The following TMEM184B variants were observed in gnomAD, a reference collection of about 807,000 sequenced individuals.
TMEM184B encodes the protein putative MAPK-activating protein FM08.
TMEM184B carries 17 observed loss-of-function variants against 41.8 expected under a neutral mutation model. The ratio of observed to expected loss-of-function variants is 0.41; its 90% CI spans 0.28 to 0.61. The LOEUF (loss-of-function observed/expected upper bound fraction) is 0.61. Among genes scored for constraint, TMEM184B ranks in the 20% least tolerant of loss-of-function variants. TMEM184B has a pLI of 0.34. For missense variants in TMEM184B, 393 were observed against 557.8 expected (o/e 0.70, Z 2.98); for synonymous variants, 240 against 229.5 (o/e 1.05, Z -0.41).
intron 3 of TMEM184B, among the ~76,000 whole-genome samples, chr22:38,244,786 T>C (rs1345591469): frequency 1.3e-5 from 2 of 152,254 alleles, no homozygotes; most frequent in Non-Finnish European, 1.5e-5. Flanking sequence ...ACCCCTCCTC[T>C]CCATTCCTGC....
intron 1 of TMEM184B, among the ~76,000 whole-genome samples, chr22:38,256,983 T>G (rs577470931): frequency 3.8e-4 from 57 of 149,824 alleles, no homozygotes; most frequent in African/African-American, 1.3e-3. Flanking sequence ...AATAGTTTTT[T>G]TTTTTTTTTT....
At chr22:38,230,969 A>G (rs2091600659) in intron 4 of TMEM184B, among the ~76,000 whole-genome samples, 4 of 152,200 alleles carry the variant, frequency 2.6e-5, no homozygotes, top group Admixed American at 1.3e-4. Flanking sequence ...TGACAAACCA[A>G]CTTGGAGAGC....
chr22:38,247,861 G>T lies in TMEM184B; in HGVS notation c.101C>A (p.Ala34Asp). The T allele has an allele frequency of 1.9e-6, 3 of 1,613,492 alleles. No homozygotes were observed. Among genetic ancestry groups the T allele is most frequent in the Non-Finnish European group, 2.5e-6 (3 of 1,179,880 alleles). Residue 34 changes from alanine to aspartate, a missense_variant, in exon 2 of 9, where the codon GCC becomes GAC. Physicochemically the swap from Ala to Asp is moderately radical, Grantham distance 126. Around this residue, in one of 2 missense-constraint regions of TMEM184B, gnomAD observed 122 missense variants for 123.7 expected, o/e 0.99. Transcript: ENST00000361906. ...VSVIPEGSPT[A>D]MEQPVFLMTT... ...CATCAGGAACACAGGCTGCTCCATG[G>T]CAGTGGGGCTGCCCTCGGGGATCAC...
chr22:38,234,533 T>TG (rs1215339111), intron 3 of TMEM184B, among the ~76,000 whole-genome samples: 1 of 152,212 alleles, frequency 6.6e-6, no homozygotes, highest in Non-Finnish European at 1.5e-5. Flanking sequence ...TGTTTTACAC[T>TG]AGTGTGTTTT....
At chr22:38,233,019 C>T (rs1279050873) in intron 3 of TMEM184B, among the ~76,000 whole-genome samples, 3 of 152,224 alleles carry the variant, frequency 2.0e-5, no homozygotes, top group East Asian at 1.9e-4. Context: ...CTCCCCCTCT[C>T]GCCTTCCTCA....
At chr22:38,240,775 A>T (rs568434814) in intron 3 of TMEM184B, among the ~76,000 whole-genome samples, 46 of 150,542 alleles carry the variant, frequency 3.1e-4, no homozygotes, top group African/African-American at 1.1e-3. Flanking sequence ...GGTCACACAC[A>T]CATACAGGCA....
At chr22:38,238,653 C>A (rs1011817850) in intron 3 of TMEM184B, among the ~76,000 whole-genome samples, 1 of 152,248 alleles carries the variant, frequency 6.6e-6, no homozygotes, top group African/African-American at 2.4e-5. Context: ...GTGCTCACCC[C>A]GGTTGGACAG....
chr22:38,249,256 C>A (rs2092110146), intron 1 of TMEM184B, among the ~76,000 whole-genome samples: 3 of 152,206 alleles, frequency 2.0e-5, no homozygotes, highest in Admixed American at 1.3e-4. Flanking sequence ...CTCAAGAATC[C>A]TCCTGCCTTA....
chr22:38,231,448 G>A (rs769399691), intron 3 of TMEM184B, 114 bp from the exon 4 acceptor site: 1 of 879,978 alleles, frequency 1.1e-6, no homozygotes, highest in Non-Finnish European at 1.9e-6. Context: ...TGGCAACAGG[G>A]AGGAGGCTGG....
Position 38,225,058 on chromosome 22 carries a change from C to T in TMEM184B, c.788-79G>A, listed in dbSNP as rs2091390557. 1.4e-6 allele frequency: 2 copies of T among 1,424,738 alleles called. No individual in the cohort carries two copies. The highest frequency in any genetic ancestry group is 1.9e-6 in the Non-Finnish European group (2 of 1,071,388). 88.3% of individuals were successfully genotyped at this position (1,424,738 alleles called of 1,614,324 possible). A position where few individuals can be genotyped will look rare whatever the true frequency, so the allele number is the denominator to read the frequency against. ...CCTTCTTCCACAATGCCCCATTCAG[C>T]TGCCCACATGCCCCAGTGAGGATGT... is the stretch of plus-strand genomic sequence containing the variant. On this transcript the variant is annotated intron_variant, in intron 7 of 8. Coordinates refer to ENST00000361906, the MANE Select transcript of TMEM184B (RefSeq NM_012264.5). The surrounding 1 kb of genome is among the most constrained non-coding windows in gnomAD (Gnocchi z 4.4).
At chr22:38,240,732 CAAAAA>C (rs550793359) in intron 3 of TMEM184B, among the ~76,000 whole-genome samples, 22 of 66,570 alleles carry the variant, frequency 3.3e-4, no homozygotes, top group East Asian at 1.5e-3. Context: ...GAAAAAAAGG[CAAAAA>C]AAAAAAAAAA....
chr22:38,265,820 G>C (rs2092435603), intron 1 of TMEM184B, among the ~76,000 whole-genome samples: 1 of 152,222 alleles, frequency 6.6e-6, no homozygotes. Context: ...ACAGGCGCTA[G>C]AGGTGGGGAC....
chr22:38,226,574 C>T lies in TMEM184B; in HGVS notation c.617+205G>A. On this transcript the variant is annotated intron_variant, in intron 6 of 8. Coordinates refer to ENST00000361906, the MANE Select transcript of TMEM184B (RefSeq NM_012264.5). This position sits in a 1 kb window ranked among gnomAD's most constrained non-coding sequence, Gnocchi z 4.6. ...TGCAGCCTGGACATGAACGTGACTG[C>T]TGCCAATGGCTCACTCCGGGGCTGG... The T allele has an allele frequency of 1.9e-6, 1 of 531,226 alleles. No homozygotes were observed. The allele number at this position is 531,226 out of a possible 1,614,324, so 32.9% of individuals were successfully genotyped here. A position where few individuals can be genotyped will look rare whatever the true frequency, so the allele number is the denominator to read the frequency against.
chr22:38,220,756 A>T lies in TMEM184B; in HGVS notation c.*713T>A. On this transcript the variant is annotated 3_prime_UTR_variant, in exon 9 of 9. Coordinates refer to ENST00000361906, the MANE Select transcript of TMEM184B (RefSeq NM_012264.5). ...GGCTGTCCTTGGTAGGCCAGGGGGAAGGGGCATGAGGCAGGCAGAGGTGTG... is the reference window on the plus strand; with the variant it reads ...GGCTGTCCTTGGTAGGCCAGGGGGATGGGGCATGAGGCAGGCAGAGGTGTG... The T allele has an allele frequency of 1.5e-5, 15 of 986,222 alleles. No individual in the cohort carries two copies. The highest frequency in any genetic ancestry group is 1.8e-5 in the Non-Finnish European group (15 of 830,228). 61.1% of individuals were successfully genotyped at this position (986,222 alleles called of 1,614,324 possible). A position where few individuals can be genotyped will look rare whatever the true frequency, so the allele number is the denominator to read the frequency against.
chr22:38,234,420 G>A (rs1407462939), intron 3 of TMEM184B, among the ~76,000 whole-genome samples: 1 of 152,138 alleles, frequency 6.6e-6, no homozygotes, highest in African/African-American at 2.4e-5. Context: ...CAGCCTTCAC[G>A]CTCTCCTGCC....
At chr22:38,217,404 G>A (rs1276060822), downstream of TMEM184B, among the ~76,000 whole-genome samples, 3 of 96,582 alleles carry the variant, frequency 3.1e-5, no homozygotes, top group Non-Finnish European at 6.0e-5. Flanking sequence ...ACTTTGGGAG[G>A]CTGAGGCAGG....
At chr22:38,269,752 A>G (rs2092494786) in intron 1 of TMEM184B, among the ~76,000 whole-genome samples, 1 of 152,202 alleles carries the variant, frequency 6.6e-6, no homozygotes, top group African/African-American at 2.4e-5. Context: ...GCAAGGGGTC[A>G]GCAGTGGGGC....
In TMEM184B at chr22:38,257,003, T is replaced by TA. The variant is rs1258973016; in HGVS notation, c.-58-8985dup. 6.3e-5 allele frequency among the ~76,000 whole-genome samples: 9 copies of TA among 143,014 alleles called. No individual in the cohort carries two copies. In the East Asian group the frequency reaches 1.6e-3, roughly 26 times the overall value. 93.8% of individuals were successfully genotyped at this position (143,014 alleles called of 152,430 possible). A position where few individuals can be genotyped will look rare whatever the true frequency, so the allele number is the denominator to read the frequency against. ...TTTTTTTTTTTTTTTTTTTTTGAGA[T>TA]AGAGTTTCGCTCTTGTTGCCCAGGC... On this transcript the variant is annotated intron_variant, in intron 1 of 8. Transcript: ENST00000361906.
intron 1 of TMEM184B, among the ~76,000 whole-genome samples, chr22:38,259,367 G>A (rs771411783): frequency 6.6e-6 from 1 of 152,112 alleles, no homozygotes; most frequent in Non-Finnish European, 1.5e-5. Flanking sequence ...ATGGCAAAAG[G>A]GACTTTGCAG....
Sources: gnomAD v4.1 joint callset for allele counts (sites outside exome capture counted in the v4.1 genomes callset) on GRCh38, gnomAD v4.1.1 for gene constraint, gnomAD v4.1.1 regional missense constraint, Gnocchi (gnomAD v3.1) non-coding constraint, MANE v1.5 for transcripts, NCBI Gene and HGNC (gene_info 2026-07-23, HGNC 2026-07-21) for gene names.